POU6F2: variants seen among roughly 807,000 people sequenced by gnomAD.
The protein encoded by POU6F2 is POU class 6 homeobox 2, also known as POU domain, class 6, transcription factor 2.
POU6F2 carries 31 observed loss-of-function variants against 71.3 expected under a neutral mutation model. The ratio of observed to expected loss-of-function variants is 0.43; its 90% CI spans 0.33 to 0.59. The LOEUF (loss-of-function observed/expected upper bound fraction) is 0.59, where lower values mean the gene tolerates loss of function less well. POU6F2 is among the 20% of genes least tolerant of loss of function. The probability of loss-of-function intolerance (pLI) is 0.04; values close to 1 mark genes in which losing one functional copy is unlikely to be tolerated. For synonymous variants in POU6F2, 347 were observed against 355.7 expected (o/e 0.98, Z 0.27); for missense variants, 783 against 856.8 (o/e 0.91, Z 1.07).
chr7:39,107,333 C>T (rs62442213), intron 2 of POU6F2, among the ~76,000 whole-genome samples: 36,856 of 152,098 alleles, frequency 0.24, 5,214 homozygotes, highest in East Asian at 0.56. Context: ...GCATTAGCCA[C>T]TGTGCCCACC....
intron 5 of POU6F2, among the ~76,000 whole-genome samples, chr7:39,403,897 A>C (rs1236629785): frequency 6.6e-6 from 1 of 152,168 alleles, no homozygotes; most frequent in Non-Finnish European, 1.5e-5. Flanking sequence ...GCTTGCACCC[A>C]CTGTCTGTGC....
chr7:39,247,590 A>G (rs1468404884), intron 4 of POU6F2, among the ~76,000 whole-genome samples: 2 of 152,234 alleles, frequency 1.3e-5, no homozygotes, highest in Admixed American at 6.5e-5. Flanking sequence ...GAAGGATTCA[A>G]CTTGAGGACT....
At chr7:39,446,772 G>A (rs1268112473) in intron 7 of POU6F2, among the ~76,000 whole-genome samples, 5 of 152,158 alleles carry the variant, frequency 3.3e-5, no homozygotes, top group Non-Finnish European at 7.3e-5. Flanking sequence ...CTCCTCCTCT[G>A]GAAAATCCAC....
At chr7:38,995,084 A>C (rs1321007164) in intron 1 of POU6F2, among the ~76,000 whole-genome samples, 1 of 152,170 alleles carries the variant, frequency 6.6e-6, no homozygotes, top group African/African-American at 2.4e-5. Context: ...AGAATTTGAA[A>C]CCCAATGCTT....
At chr7:39,458,590 C>T (rs1462596092) in intron 8 of POU6F2, among the ~76,000 whole-genome samples, 14 of 152,096 alleles carry the variant, frequency 9.2e-5, no homozygotes. Context: ...AGAGCACAGC[C>T]TCCACTAGGG....
At chr7:39,457,854 C>T (rs888726687) in intron 8 of POU6F2, among the ~76,000 whole-genome samples, 1 of 152,130 alleles carries the variant, frequency 6.6e-6, no homozygotes, top group African/African-American at 2.4e-5. Flanking sequence ...ACCCTTCTTC[C>T]CTCTCTCAGA....
At chr7:39,309,861 C>T (rs1785126847) in intron 4 of POU6F2, among the ~76,000 whole-genome samples, 1 of 152,138 alleles carries the variant, frequency 6.6e-6, no homozygotes, top group African/African-American at 2.4e-5. Flanking sequence ...AACCTTTTCT[C>T]GCAGATAAGA....
intron 1 of POU6F2, among the ~76,000 whole-genome samples, chr7:39,071,654 AACACAC>A (rs10522287): frequency 0.31 from 43,115 of 141,076 alleles, 6,541 homozygotes; most frequent in South Asian, 0.35. Context: ...TCTCTAAAGA[AACACAC>A]ACACACACAC....
chr7:39,257,030 TAC>T (rs2128753715), intron 4 of POU6F2, among the ~76,000 whole-genome samples: 1 of 152,310 alleles, frequency 6.6e-6, no homozygotes, highest in East Asian at 1.9e-4. Context: ...AGCACATGTA[TAC>T]CTAAAAGTTT....
chr7:39,223,663 C>A (rs185631703), intron 4 of POU6F2, among the ~76,000 whole-genome samples: 1 of 152,200 alleles, frequency 6.6e-6, no homozygotes, highest in Non-Finnish European at 1.5e-5. Context: ...TGAGAGCTAT[C>A]TAAATCCCTT....
chr7:39,458,366 G>A (rs1788854936), intron 8 of POU6F2, among the ~76,000 whole-genome samples: 1 of 146,518 alleles, frequency 6.8e-6, no homozygotes, highest in African/African-American at 2.6e-5. Context: ...AGAAATAAAT[G>A]TTTACATGTT....
chr7:39,438,115 GC>G (rs1788293615), intron 7 of POU6F2, among the ~76,000 whole-genome samples: 1 of 152,016 alleles, frequency 6.6e-6, no homozygotes, highest in South Asian at 2.1e-4. Context: ...CCCACAACAG[GC>G]CCCGGTGTGT....
At position 39,339,919 on chromosome 7, in the gene POU6F2, A is replaced by G. The variant is rs1319643110; in HGVS notation, c.876A>G (p.Pro292=). ...PHSHSQNQNQ[P]SPTQQSSSPP... is the part of the protein sequence containing the mutation. ...CCCACTCCCAGAACCAGAACCAACC[A>G]TCTCCAACCCAGCAGAGCTCCAGCC... The change falls in exon 5 of 10, where the codon CCA becomes CCG. Residue 292 remains proline, a synonymous_variant. Transcript: ENST00000518318. 2.5e-6 allele frequency: 4 copies of G among 1,613,516 alleles called. No individual in the cohort carries two copies. The highest frequency in any genetic ancestry group is 2.7e-5 in the African/African-American group (2 of 74,870).
chr7:39,283,780 T>G (rs1784605393), intron 4 of POU6F2, among the ~76,000 whole-genome samples: 1 of 152,218 alleles, frequency 6.6e-6, no homozygotes, highest in Admixed American at 6.5e-5. Context: ...CAAATGAACA[T>G]GTTAAAGAAA....
At chr7:39,366,954 C>G (rs188992784) in intron 5 of POU6F2, among the ~76,000 whole-genome samples, 23 of 152,080 alleles carry the variant, frequency 1.5e-4, no homozygotes, top group Non-Finnish European at 2.9e-4. Flanking sequence ...GTGGTGCCAG[C>G]TTTGAGAACC....
intron 2 of POU6F2, among the ~76,000 whole-genome samples, chr7:39,199,635 A>G (rs926779734): frequency 1.1e-4 from 16 of 152,124 alleles, no homozygotes; most frequent in Admixed American, 4.6e-4. Flanking sequence ...AGGGCACTGA[A>G]GAAAGGAGTG....
rs1003347031 is a variant in POU6F2, at chr7:39,465,551, TTC to T, written c.*871_*872del. 9 of 152,348 alleles carry T rather than the reference TTC, an allele frequency of 5.9e-5. No homozygotes were observed. Among genetic ancestry groups the T allele is most frequent in the African/African-American group, 1.9e-4 (8 of 41,578 alleles). The allele number at this position is 152,348 out of a possible 1,614,324, so 9.4% of individuals were successfully genotyped here. A position where few individuals can be genotyped will look rare whatever the true frequency, so the allele number is the denominator to read the frequency against. On this transcript the variant is annotated 3_prime_UTR_variant, in exon 10 of 10. Coordinates refer to ENST00000518318, the MANE Select transcript of POU6F2 (RefSeq NM_001370959.1). ...TGAGAAAAGAAAATGGAGCTCGCAT[TTC>T]TCTCTTTTCCTCCATTTCTCCATCT...
intron 4 of POU6F2, among the ~76,000 whole-genome samples, chr7:39,209,641 C>T (rs796988998): frequency 2.0e-5 from 3 of 152,276 alleles, no homozygotes; most frequent in African/African-American, 7.2e-5. Context: ...TCTCATGCCT[C>T]AAAAGTGCCC....
chr7:38,984,282 T>G (rs560233780), intron 1 of POU6F2: 2 of 152,288 alleles, frequency 1.3e-5, no homozygotes, highest in East Asian at 3.9e-4. Context: ...GACATTTTGT[T>G]CTCCTTCTTC....
Sources: gnomAD v4.1 joint callset for allele counts (sites outside exome capture counted in the v4.1 genomes callset) on GRCh38, gnomAD v4.1.1 for gene constraint, MANE v1.5 for transcripts, NCBI Gene and HGNC (gene_info 2026-07-23, HGNC 2026-07-21) for gene names.